WDR70: variants seen among roughly 807,000 people sequenced by gnomAD.
WDR70 encodes WD repeat-containing protein 70.
Under a neutral mutation model 88.6 loss-of-function variants are expected in WDR70, and 53 were observed. The ratio of observed to expected loss-of-function variants is 0.60; its 90% CI spans 0.48 to 0.75. The LOEUF is 0.75. WDR70 is among the 30% of genes least tolerant of loss of function. WDR70 has a pLI of 0.00. For synonymous variants in WDR70, 280 were observed against 270.0 expected, an observed-to-expected ratio of 1.04 and a Z score of -0.36; for missense variants, 610 against 823.2, an observed-to-expected ratio of 0.74 and a Z score of 3.17.
At chr5:37,417,482 C>A (rs186685993) in intron 5 of WDR70, among the ~76,000 whole-genome samples, 72 of 151,722 alleles carry the variant, frequency 4.7e-4, no homozygotes, top group Non-Finnish European at 7.9e-4. Flanking sequence ...GTCTCAGCCT[C>A]CCAAAGTGCT....
intron 8 of WDR70, among the ~76,000 whole-genome samples, chr5:37,511,840 T>A (rs562126728): frequency 2.0e-5 from 3 of 152,228 alleles, no homozygotes; most frequent in Non-Finnish European, 4.4e-5. Context: ...CTTCATTATA[T>A]TGAAGGCAGT....
intron 7 of WDR70, among the ~76,000 whole-genome samples, chr5:37,446,152 C>T (rs6862115): frequency 6.6e-6 from 1 of 152,034 alleles, no homozygotes; most frequent in African/African-American, 2.4e-5. Context: ...ATAACAGACA[C>T]ACAGAGAACC....
intron 3 of WDR70, among the ~76,000 whole-genome samples, chr5:37,389,632 T>C (rs12523044): frequency 0.099 from 14,989 of 152,160 alleles, 823 homozygotes; most frequent in Admixed American, 0.15. Context: ...CAAGATGGTC[T>C]CAATCTCCTG....
Position 37,605,120 on chromosome 5 carries a change from C to T in WDR70, c.974C>T (p.Pro325Leu). 2 of 1,612,304 alleles carry T rather than the reference C, an allele frequency of 1.2e-6. No individual in the cohort carries two copies. Among genetic ancestry groups the T allele is most frequent in the Non-Finnish European group, 1.7e-6 (2 of 1,179,202 alleles). ...AAGAAGCAAAAAAGTGTGTTTAAAC[C>T]ACGGACGATGCAAGGCAAAAAAGTC... ...NPKKQKSVFK[P>L]RTMQGKKVIP... is the part of the protein sequence containing the mutation. The change falls in exon 10 of 18, where the codon CCA (proline) becomes CTA (leucine). Residue 325 changes from proline (P) to leucine (L), a missense_variant. Pro to Leu is a moderately conservative substitution (Grantham distance 98, BLOSUM62 -3). Coordinates refer to ENST00000265107, the MANE Select transcript of WDR70 (RefSeq NM_018034.4).
chr5:37,546,089 G>C (rs1457326676), intron 9 of WDR70, among the ~76,000 whole-genome samples: 1 of 152,154 alleles, frequency 6.6e-6, no homozygotes, highest in African/African-American at 2.4e-5. Flanking sequence ...GATCAGGGAA[G>C]AGTTATTTAT....
intron 8 of WDR70, among the ~76,000 whole-genome samples, chr5:37,493,639 C>T (rs1740132493): frequency 6.6e-6 from 1 of 152,126 alleles, no homozygotes; most frequent in South Asian, 2.1e-4. Context: ...CTGACCTACG[C>T]AGCTGTTAGG....
At position 37,384,564 on chromosome 5, in the gene WDR70, G is replaced by T. The variant is rs1053831442; in HGVS notation, c.175+2879G>T. Among the ~76,000 whole-genome samples, 5 of 147,502 alleles carry T rather than the reference G, an allele frequency of 3.4e-5. No homozygotes were observed. The Admixed American group carries it at 3.5e-4, about 10-fold the overall frequency. On this transcript the variant is annotated intron_variant, in intron 3 of 17. Coordinates refer to ENST00000265107, the MANE Select transcript of WDR70 (RefSeq NM_018034.4). Reference sequence around the variant, plus strand: ...AGTCCCAGCTATTTGGGAGGCTGAGGCAGGAGAATGGCGTGAACCCTGGAG... The same window carrying T: ...AGTCCCAGCTATTTGGGAGGCTGAGTCAGGAGAATGGCGTGAACCCTGGAG...
intron 9 of WDR70, among the ~76,000 whole-genome samples, chr5:37,560,744 T>A (rs2112374546): frequency 6.6e-6 from 1 of 152,108 alleles, no homozygotes; most frequent in Non-Finnish European, 1.5e-5. Flanking sequence ...CACTGGGCCT[T>A]CCCTGGACAT....
rs1424904869 is a variant in WDR70 at position 37,674,277 on chromosome 5, C to T, written c.1093-23378C>T. Among the ~76,000 whole-genome samples the T allele has an allele frequency of 4.0e-5, 6 of 151,782 alleles. No individual in the cohort carries two copies. In the East Asian group the frequency reaches 9.7e-4, roughly 24 times the overall value. On this transcript the variant is annotated intron_variant, in intron 10 of 17. Transcript: ENST00000265107. ...TTATACTTTAAGTTTTACATGTGCA[C>T]AATGTGCAGGTTAGTTACATATGTA... is the stretch of plus-strand genomic sequence containing the variant.
intron 9 of WDR70, among the ~76,000 whole-genome samples, chr5:37,531,362 G>A (rs531613172): frequency 6.6e-6 from 1 of 152,074 alleles, no homozygotes; most frequent in Admixed American, 6.6e-5. Context: ...GATGACTAGT[G>A]TCAGTGGAGT....
intron 9 of WDR70, among the ~76,000 whole-genome samples, chr5:37,560,809 A>ATTTTTTTT (rs397885116): frequency 7.6e-6 from 1 of 130,982 alleles, no homozygotes; most frequent in Non-Finnish European, 1.6e-5. Context: ...GCAGAAGCAG[A>ATTTTTTTT]TTTTTTTTTT....
chr5:37,509,793 T>C (rs1740664983), intron 8 of WDR70, among the ~76,000 whole-genome samples: 1 of 149,464 alleles, frequency 6.7e-6, no homozygotes. Flanking sequence ...TAGATTCTTT[T>C]TTTTTTTTTT....
chr5:37,382,322 A>G (rs955941289), intron 3 of WDR70, among the ~76,000 whole-genome samples: 7 of 146,434 alleles, frequency 4.8e-5, no homozygotes, highest in Non-Finnish European at 9.0e-5. Context: ...CTAGTTTCGA[A>G]CTCCTGACCT....
At chr5:37,657,524 G>T (rs913174888) in intron 10 of WDR70, among the ~76,000 whole-genome samples, 3 of 152,176 alleles carry the variant, frequency 2.0e-5, no homozygotes, top group African/African-American at 4.8e-5. Context: ...TTTCAAAAGG[G>T]TAATGAGAGG....
chr5:37,561,402 C>T (rs984609847), intron 9 of WDR70, among the ~76,000 whole-genome samples: 6 of 152,152 alleles, frequency 3.9e-5, no homozygotes, highest in African/African-American at 7.2e-5. Flanking sequence ...TCTTCCTCAT[C>T]GATATCACAG....
At chr5:37,563,062 T>G in intron 9 of WDR70, among the ~76,000 whole-genome samples, 1 of 78,192 alleles carries the variant, frequency 1.3e-5, no homozygotes, top group African/African-American at 5.2e-5. Context: ...ACGGGGCGGC[T>G]GGCCGGGCGG....
intron 10 of WDR70, among the ~76,000 whole-genome samples, chr5:37,673,475 C>T (rs1214209238): frequency 1.3e-5 from 2 of 152,010 alleles, no homozygotes; most frequent in Non-Finnish European, 2.9e-5. Flanking sequence ...GAAGAATCAG[C>T]CACTGCTTTC....
chr5:37,516,745 G>T (rs1377065108), intron 9 of WDR70, among the ~76,000 whole-genome samples, 155 bp downstream of exon 9: 1 of 145,730 alleles, frequency 6.9e-6, no homozygotes, highest in Non-Finnish European at 1.5e-5. Context: ...TTTTTAAGGG[G>T]GAGTCTTGCT....
intron 5 of WDR70, among the ~76,000 whole-genome samples, chr5:37,425,317 T>C (rs1468577173): frequency 6.6e-6 from 1 of 152,178 alleles, no homozygotes; most frequent in Non-Finnish European, 1.5e-5. Flanking sequence ...AAAGGGAACA[T>C]GTAGAGCACG....
Sources: gnomAD v4.1 joint callset for allele counts (sites outside exome capture counted in the v4.1 genomes callset) on GRCh38, gnomAD v4.1.1 for gene constraint, MANE v1.5 for transcripts, NCBI Gene and HGNC (gene_info 2026-07-23, HGNC 2026-07-21) for gene names.